LRP1B: variants seen among roughly 807,000 people sequenced by gnomAD.
LRP1B encodes low-density lipoprotein receptor-related protein 1B.
LRP1B carries 217 observed loss-of-function variants against 556.6 expected under a neutral mutation model. That is an observed-to-expected ratio of 0.39 (90% confidence interval 0.35 to 0.44). The LOEUF is 0.44. Ranked by LOEUF, LRP1B falls within the 20% of genes least tolerant of loss-of-function variation. The pLI, the probability that LRP1B is intolerant of heterozygous loss-of-function variation, is 1.00. For missense variants in LRP1B, 5,053 were observed against 5,620.8 expected (o/e 0.90, Z 3.23); for synonymous variants, 2,047 against 1,865.8 (o/e 1.10, Z -2.50).
chr2:140,281,963 T>C (rs961826890), intron 84 of LRP1B, among the ~76,000 whole-genome samples: 1 of 151,122 alleles, frequency 6.6e-6, no homozygotes, highest in Non-Finnish European at 1.5e-5. Flanking sequence ...AAACTTTTGA[T>C]GAATACTTAT....
In LRP1B at chr2:140,693,952, C is replaced by A. The variant is rs539616211; in HGVS notation, c.6799+6298G>T. On this transcript the variant is annotated intron_variant, in intron 41 of 90. Transcript: ENST00000389484. The stretch of plus-strand genomic sequence containing the variant: ...CGAACTCCTGGCCTCAAGTGATCCA[C>A]CCACCTCAGCTCCCCAGAGTGCCGG... Among the ~76,000 whole-genome samples, 21 of 152,318 alleles carry A rather than the reference C, an allele frequency of 1.4e-4. No individual in the cohort carries two copies. The South Asian group carries it at 4.3e-3, about 32-fold the overall frequency.
chr2:140,319,757 T>C (rs1679999868), intron 82 of LRP1B, among the ~76,000 whole-genome samples: 2 of 152,120 alleles, frequency 1.3e-5, no homozygotes, highest in Admixed American at 6.6e-5. Context: ...GTACTAACAA[T>C]ATTTGGAAAT....
chr2:141,636,266 A>G (rs1299964486), intron 2 of LRP1B, among the ~76,000 whole-genome samples: 1 of 152,202 alleles, frequency 6.6e-6, no homozygotes, highest in Non-Finnish European at 1.5e-5. Flanking sequence ...TGGAATATGT[A>G]AATTGTTTTA....
At chr2:141,467,814 TTTGTTTGTTTG>T (rs1682290757) in intron 3 of LRP1B, among the ~76,000 whole-genome samples, 1 of 28,620 alleles carries the variant, frequency 3.5e-5, no homozygotes, top group African/African-American at 8.4e-5. Context: ...TGTTTGTTTG[TTTGTTTGTTTG>T]TTTGTTTGCG....
chr2:141,313,334 T>G (rs1686882176), intron 3 of LRP1B, among the ~76,000 whole-genome samples: 1 of 152,062 alleles, frequency 6.6e-6, no homozygotes, highest in Admixed American at 6.5e-5. Context: ...CCTTAGAAAT[T>G]TTTAGTTCCT....
intron 41 of LRP1B, among the ~76,000 whole-genome samples, chr2:140,638,265 G>A (rs752655038): frequency 5.9e-5 from 9 of 152,158 alleles, no homozygotes; most frequent in Non-Finnish European, 1.3e-4. Flanking sequence ...ACTGTTATAT[G>A]CCACTTGTTT....
chr2:140,438,997 G>A (rs369874806), intron 66 of LRP1B, among the ~76,000 whole-genome samples: 3 of 152,140 alleles, frequency 2.0e-5, no homozygotes, highest in African/African-American at 7.2e-5. Context: ...AATCTAAACT[G>A]TAAACTGGGG....
chr2:140,295,337 G>T (rs1683555292), intron 84 of LRP1B, among the ~76,000 whole-genome samples: 2 of 152,132 alleles, frequency 1.3e-5, no homozygotes, highest in African/African-American at 4.8e-5. Flanking sequence ...TCAAGGAAAG[G>T]CTAGCCTAAT....
chr2:141,457,939 G>A (rs780058447), intron 3 of LRP1B, among the ~76,000 whole-genome samples: 1 of 152,156 alleles, frequency 6.6e-6, no homozygotes, highest in Non-Finnish European at 1.5e-5. Flanking sequence ...AGGAGACACT[G>A]TAGTATGGTC....
intron 2 of LRP1B, among the ~76,000 whole-genome samples, chr2:141,785,022 A>T (rs1236005870): frequency 6.6e-6 from 1 of 151,876 alleles, no homozygotes; most frequent in Non-Finnish European, 1.5e-5. Flanking sequence ...CATACTAGAG[A>T]CTTCTAGTCA....
intron 32 of LRP1B, among the ~76,000 whole-genome samples, chr2:140,806,492 A>T (rs1690720807): frequency 1.3e-5 from 2 of 152,308 alleles, no homozygotes; most frequent in African/African-American, 4.8e-5. Flanking sequence ...GAGAATAATG[A>T]ATAAATAGCT....
At chr2:140,642,808 C>T (rs1384481076) in intron 41 of LRP1B, among the ~76,000 whole-genome samples, 3 of 152,112 alleles carry the variant, frequency 2.0e-5, no homozygotes, top group Non-Finnish European at 4.4e-5. Context: ...CGCGCCACTG[C>T]CCTCCAGCCT....
At chr2:140,558,100 T>C (rs1680799276) in intron 43 of LRP1B, among the ~76,000 whole-genome samples, 1 of 152,060 alleles carries the variant, frequency 6.6e-6, no homozygotes, top group African/African-American at 2.4e-5. Context: ...ATGGCTATCA[T>C]GGAAAAGATA....
chr2:140,272,365 A>G (rs998293668), intron 85 of LRP1B, among the ~76,000 whole-genome samples: 1 of 151,838 alleles, frequency 6.6e-6, no homozygotes, highest in Non-Finnish European at 1.5e-5. Context: ...TCCCATGACA[A>G]TGGTCATCAA....
At chr2:141,900,807 T>C (rs1484651098) in intron 1 of LRP1B, among the ~76,000 whole-genome samples, 1 of 152,032 alleles carries the variant, frequency 6.6e-6, no homozygotes. Context: ...TTTCAAATAA[T>C]TCCTTTGTCA....
At chr2:140,263,487 A>G (rs766811451) in intron 86 of LRP1B, among the ~76,000 whole-genome samples, 15 of 152,104 alleles carry the variant, frequency 9.9e-5, no homozygotes, top group Non-Finnish European at 2.9e-5. Flanking sequence ...AGAATTTTCC[A>G]AATCTTCAAT....
chr2:141,689,279 A>G (rs1322509057), intron 2 of LRP1B, among the ~76,000 whole-genome samples: 2 of 151,824 alleles, frequency 1.3e-5, no homozygotes, highest in Non-Finnish European at 2.9e-5. Context: ...AAGATTGGTA[A>G]TTTATCCAAG....
chr2:140,494,249 C>T (rs1399842840), intron 56 of LRP1B, among the ~76,000 whole-genome samples: 1 of 152,100 alleles, frequency 6.6e-6, no homozygotes, highest in Non-Finnish European at 1.5e-5. Flanking sequence ...TTCATCTCCT[C>T]TACACAATCC....
At chr2:140,825,620 C>T (rs1352586600) in intron 31 of LRP1B, among the ~76,000 whole-genome samples, 6 of 151,998 alleles carry the variant, frequency 3.9e-5, no homozygotes, top group Non-Finnish European at 8.8e-5. Flanking sequence ...AAGCTAGTAG[C>T]TGTGTATAAT....
Sources: allele counts gnomAD v4.1 joint callset (sites outside exome capture counted in the v4.1 genomes callset), GRCh38; gene constraint gnomAD v4.1.1; transcripts MANE v1.5; gene names NCBI Gene and HGNC (gene_info 2026-07-23, HGNC 2026-07-21).